TXNL1: variants seen among roughly 807,000 people sequenced by gnomAD.
TXNL1 encodes the protein thioredoxin like 1, also known as thioredoxin-like protein 1.
TXNL1 carries 14 observed loss-of-function variants against 35.5 expected under a neutral mutation model. The ratio of observed to expected loss-of-function variants is 0.39; its 90% CI spans 0.26 to 0.62. The LOEUF (loss-of-function observed/expected upper bound fraction) is 0.62, where lower values mean the gene tolerates loss of function less well. Among genes scored for constraint, TXNL1 ranks in the 20% least tolerant of loss-of-function variants. The probability of loss-of-function intolerance (pLI) is 0.47; values close to 1 mark genes in which losing one functional copy is unlikely to be tolerated. For synonymous variants in TXNL1, 110 were observed against 115.5 expected (o/e 0.95, Z 0.31); for missense variants, 263 against 349.7 (o/e 0.75, Z 1.98).
intron 6 of TXNL1, among the ~76,000 whole-genome samples, chr18:56,611,712 G>A (rs2023994999): frequency 6.6e-6 from 1 of 151,674 alleles, no homozygotes; most frequent in Admixed American, 6.6e-5. Flanking sequence ...TGTATTTTTT[G>A]ACATGGAGTC....
At chr18:56,628,519 C>T (rs1334098994) in intron 1 of TXNL1, among the ~76,000 whole-genome samples, 1 of 152,096 alleles carries the variant, frequency 6.6e-6, no homozygotes, top group African/African-American at 2.4e-5. Context: ...TATAAAACCT[C>T]TTGCAAAAAC....
At chr18:56,608,568 G>GGAGTCT (rs1038834409) in intron 7 of TXNL1, 1 of 152,282 alleles carries the variant, frequency 6.6e-6, no homozygotes, top group African/African-American at 2.4e-5. Flanking sequence ...ACCCTCTCAA[G>GGAGTCT]GAGTCTGGGA....
At chr18:56,611,395 G>A (rs768670189) in intron 6 of TXNL1, among the ~76,000 whole-genome samples, 5 of 151,600 alleles carry the variant, frequency 3.3e-5, no homozygotes, top group East Asian at 2.0e-4. Context: ...CTAGCTACTC[G>A]GGAGGCTGGG....
intron 7 of TXNL1, chr18:56,609,583 T>A (rs1364176942): frequency 6.6e-6 from 1 of 152,066 alleles, no homozygotes; most frequent in Non-Finnish European, 1.5e-5. Context: ...ATGAATGATA[T>A]GAGAAAATAA....
intron 1 of TXNL1, among the ~76,000 whole-genome samples, chr18:56,636,857 C>T (rs1027499889): frequency 2.6e-5 from 4 of 152,102 alleles, no homozygotes; most frequent in Admixed American, 2.6e-4. Context: ...GGTGAGGTTC[C>T]TTATTGAAAT....
chr18:56,636,828 A>G (rs1289339861), intron 1 of TXNL1, among the ~76,000 whole-genome samples: 2 of 152,200 alleles, frequency 1.3e-5, no homozygotes, highest in African/African-American at 2.4e-5. Flanking sequence ...CAGAATTAGA[A>G]TAAGTGAACT....
At chr18:56,611,325 C>T (rs2023987165) in intron 6 of TXNL1, among the ~76,000 whole-genome samples, 1 of 151,834 alleles carries the variant, frequency 6.6e-6, no homozygotes, top group African/African-American at 2.4e-5. Flanking sequence ...CGTGGCAAAA[C>T]CCCATCTCTA....
chr18:56,637,272 C>A (rs181512302), intron 1 of TXNL1, among the ~76,000 whole-genome samples: 5 of 152,172 alleles, frequency 3.3e-5, no homozygotes, highest in African/African-American at 9.6e-5. Flanking sequence ...CTCTGAAATT[C>A]AAAATGGAAT....
intron 4 of TXNL1, among the ~76,000 whole-genome samples, chr18:56,616,921 G>A (rs931232218): frequency 6.6e-6 from 1 of 152,166 alleles, no homozygotes; most frequent in Admixed American, 6.5e-5. Flanking sequence ...AACTCTTCTG[G>A]ATCATTTGCT....
chr18:56,638,325 G>C lies in TXNL1; in HGVS notation c.98+18C>G. ...GGAAGGACAGACGGGGACCCACAGAGCTCGAGCCTGGCCTCACCCTCTCAT... is the reference window on the plus strand; with the variant it reads ...GGAAGGACAGACGGGGACCCACAGACCTCGAGCCTGGCCTCACCCTCTCAT... On this transcript the variant is annotated intron_variant, in intron 1 of 7. Transcript: ENST00000217515. 6.2e-7 allele frequency: 1 copy of C among 1,601,964 alleles called. No homozygotes were observed. The highest frequency in any genetic ancestry group is 8.5e-7 in the Non-Finnish European group (1 of 1,172,176).
At chr18:56,614,762 A>C (rs1568101891) in intron 5 of TXNL1, among the ~76,000 whole-genome samples, 166 bp from the exon 6 acceptor site, 1 of 152,204 alleles carries the variant, frequency 6.6e-6, no homozygotes, top group Non-Finnish European at 1.5e-5. Flanking sequence ...TCAGGTAGCC[A>C]ATCCTTTATT....
intron 1 of TXNL1, among the ~76,000 whole-genome samples, chr18:56,636,621 CCAAT>C (rs1168764337): frequency 2.0e-5 from 3 of 152,130 alleles, no homozygotes; most frequent in South Asian, 4.1e-4. Flanking sequence ...CAGTTCCTTA[CCAAT>C]CAATGTCTGC....
intron 3 of TXNL1, among the ~76,000 whole-genome samples, chr18:56,619,396 G>A (rs1361868087): frequency 6.6e-6 from 1 of 151,430 alleles, no homozygotes; most frequent in Admixed American, 6.6e-5. Flanking sequence ...AAATTAGCCA[G>A]GCATGGTGGC....
intron 2 of TXNL1, 157 bp downstream of exon 2, chr18:56,626,204 C>A: frequency 7.3e-7 from 1 of 1,377,286 alleles, no homozygotes. Context: ...ACTAATGCAG[C>A]CATAATGACA....
chr18:56,634,392 A>T (rs978116143), intron 1 of TXNL1, among the ~76,000 whole-genome samples: 2 of 152,196 alleles, frequency 1.3e-5, no homozygotes, highest in Admixed American at 1.3e-4. Context: ...TCTGTGACTC[A>T]ATGTCCTCAA....
chr18:56,611,544 A>C (rs542531576), intron 6 of TXNL1, among the ~76,000 whole-genome samples: 1 of 152,086 alleles, frequency 6.6e-6, no homozygotes, highest in East Asian at 1.9e-4. Flanking sequence ...TAACATTAAG[A>C]CTAGTACTCC....
chr18:56,603,335 GAAGTT>G (rs1448489354), intron 7 of TXNL1, among the ~76,000 whole-genome samples: 1 of 148,438 alleles, frequency 6.7e-6, no homozygotes, highest in Non-Finnish European at 1.5e-5. Flanking sequence ...AAAGTTTAGA[GAAGTT>G]AATTTAAAAA....
chr18:56,601,769 T>A lies in TXNL1; in HGVS notation c.*1258A>T, dbSNP rs1214018618. Reference sequence around the variant, plus strand: ...ACTGAATCACAATTTTACAGTCTTATGTACTCTTTAAAAATAGTTTTCAAA... The same window carrying A: ...ACTGAATCACAATTTTACAGTCTTAAGTACTCTTTAAAAATAGTTTTCAAA... On this transcript the variant is annotated 3_prime_UTR_variant, in exon 8 of 8. Transcript: ENST00000217515. 6.6e-6 allele frequency: 1 copy of A among 152,214 alleles called. No individual in the cohort carries two copies. Among genetic ancestry groups the A allele is most frequent in the African/African-American group, 2.4e-5 (1 of 41,464 alleles). The allele number at this position is 152,214 out of a possible 1,614,324, so 9.4% of individuals were successfully genotyped here.
chr18:56,626,195 C>T, intron 2 of TXNL1, 166 bp downstream of exon 2: 1 of 1,355,630 alleles, frequency 7.4e-7, no homozygotes, highest in Non-Finnish European at 9.5e-7. Flanking sequence ...CTCTTCTTAA[C>T]TAATGCAGCC....
Sources: allele counts gnomAD v4.1 joint callset (sites outside exome capture counted in the v4.1 genomes callset), GRCh38; gene constraint gnomAD v4.1.1; transcripts MANE v1.5; gene names NCBI Gene and HGNC (gene_info 2026-07-23, HGNC 2026-07-21).